Variants in NUMA1 observed in about 807,000 individuals in gnomAD.
NUMA1 encodes nuclear mitotic apparatus protein 1.
Under a neutral mutation model 237.1 loss-of-function variants are expected in NUMA1, and 62 were observed. The ratio of observed to expected loss-of-function variants is 0.26; its 90% CI spans 0.21 to 0.32. The LOEUF is 0.32. NUMA1 is among the 10% of genes least tolerant of loss of function. The probability of loss-of-function intolerance (pLI) is 1.00; values close to 1 mark genes in which losing one functional copy is unlikely to be tolerated. For synonymous variants in NUMA1, 1,028 were observed against 1,066.1 expected, an observed-to-expected ratio of 0.96 and a Z score of 0.70; for missense variants, 2,533 against 2,666.5, an observed-to-expected ratio of 0.95 and a Z score of 1.10.
chr11:72,057,075 CAAA>C (rs35648032), intron 2 of NUMA1, among the ~76,000 whole-genome samples: 3 of 90,520 alleles, frequency 3.3e-5, no homozygotes, highest in Non-Finnish European at 4.8e-5. Context: ...ATTAAAAAAG[CAAA>C]AAAAAAAAAA....
At chr11:72,063,711 G>C (rs944808685) in intron 2 of NUMA1, among the ~76,000 whole-genome samples, 1 of 150,350 alleles carries the variant, frequency 6.7e-6, no homozygotes, top group Non-Finnish European at 1.5e-5. Context: ...GAGCCCAGGA[G>C]TTCAAGACCA....
At chr11:72,016,377 G>C (rs567161861) in intron 14 of NUMA1, 31 bp downstream of exon 14, 1 of 1,610,702 alleles carries the variant, frequency 6.2e-7, no homozygotes, top group African/African-American at 1.3e-5. Flanking sequence ...ACACCAACCA[G>C]CAGCACACAG....
intron 1 of NUMA1, among the ~76,000 whole-genome samples, chr11:72,079,159 T>A (rs1943877056): frequency 6.6e-6 from 1 of 152,176 alleles, no homozygotes; most frequent in Non-Finnish European, 1.5e-5. Context: ...TCCCATTACA[T>A]GTCGCAAATC....
At chr11:72,038,058 G>T (rs1278083777) in intron 2 of NUMA1, among the ~76,000 whole-genome samples, 3 of 152,162 alleles carry the variant, frequency 2.0e-5, no homozygotes, top group Non-Finnish European at 2.9e-5. Flanking sequence ...TAAAAAAAAG[G>T]CCTCTGAGCT....
chr11:72,025,702 C>A (rs1291733048), intron 4 of NUMA1, among the ~76,000 whole-genome samples: 7 of 152,202 alleles, frequency 4.6e-5, no homozygotes, highest in Admixed American at 4.6e-4. Flanking sequence ...AGACATCCTG[C>A]AAGCATAAGC....
At chr11:72,047,927 T>C (rs1366534734) in intron 2 of NUMA1, 3 of 152,186 alleles carry the variant, frequency 2.0e-5, no homozygotes, top group African/African-American at 7.2e-5. Context: ...GGGGCCATGC[T>C]AATCTCTGTA....
In NUMA1 at chr11:72,013,642, G is replaced by A; in HGVS notation, c.3861C>T (p.Ser1287=). The change falls in exon 15 of 27, where the codon AGC becomes AGT. Residue 1287 remains serine, a synonymous_variant. Transcript: ENST00000393695. This position sits in a 1 kb window ranked among gnomAD's most constrained non-coding sequence, Gnocchi z 6.8. ...TCTGCACCTCCTCCCGCAGAGCAGA[G>A]CTGCGTTCTGCAGCTCTGGCACTGT... ...ASNSARAAER[S]SALREEVQSL... The A allele has an allele frequency of 1.2e-6, 2 of 1,609,876 alleles. No individual in the cohort carries two copies. Among genetic ancestry groups the A allele is most frequent in the Non-Finnish European group, 1.7e-6 (2 of 1,179,952 alleles).
rs1053602 is a variant in NUMA1 at position 72,014,134 on chromosome 11, C to T, written c.3369G>A (p.Glu1123=). 1.2e-6 allele frequency: 2 copies of T among 1,612,888 alleles called. No homozygotes were observed. The highest frequency in any genetic ancestry group is 1.7e-6 in the Non-Finnish European group (2 of 1,180,052). The stretch of plus-strand genomic sequence containing the variant: ...GCTTGCTCACCTCTGCCCGCAGTGC[C>T]TCCAGCTTGGGGCCTGTTGGCTCTG... ...GRTEPTGPKL[E]ALRAEVSKLE... The change falls in exon 15 of 27, where the codon GAG becomes GAA. Residue 1123 remains glutamate, a synonymous_variant. Coordinates refer to ENST00000393695, the MANE Select transcript of NUMA1 (RefSeq NM_006185.4). This position sits in a 1 kb window ranked among gnomAD's most constrained non-coding sequence, Gnocchi z 4.6.
intron 2 of NUMA1, chr11:72,067,789 G>A (rs907173713): frequency 1.1e-4 from 16 of 152,212 alleles, no homozygotes; most frequent in African/African-American, 3.9e-4. Flanking sequence ...GAGTAAGAAA[G>A]AGAATTGCAA....
chr11:72,021,038 A>C lies in NUMA1; in HGVS notation c.460+166T>G, dbSNP rs1030278915. Reference sequence around the variant, plus strand: ...AGCTCCATAGGAACTGAGATGATACAACATGGCCCAGAAATCGACCTACTC... The same window carrying C: ...AGCTCCATAGGAACTGAGATGATACCACATGGCCCAGAAATCGACCTACTC... On this transcript the variant is annotated intron_variant, in intron 8 of 26. Transcript: ENST00000393695. 15 of 624,914 alleles carry C rather than the reference A, an allele frequency of 2.4e-5. No individual in the cohort carries two copies. In the African/African-American group the frequency reaches 2.6e-4, roughly 11 times the overall value. 38.7% of individuals were successfully genotyped at this position (624,914 alleles called of 1,614,324 possible). A position where few individuals can be genotyped will look rare whatever the true frequency, so the allele number is the denominator to read the frequency against.
chr11:72,009,346 C>G lies in NUMA1; in HGVS notation c.4761G>C (p.Gln1587His). 1.2e-6 allele frequency: 2 copies of G among 1,612,702 alleles called. No homozygotes were observed. The highest frequency in any genetic ancestry group is 1.7e-6 in the Non-Finnish European group (2 of 1,179,948). Residue 1587 changes from glutamine (Q) to histidine (H), a missense_variant, in exon 18 of 27, where the codon CAG (glutamine) becomes CAC (histidine). Physicochemically the swap from Gln to His is conservative, Grantham distance 24. Around this residue, in one of 3 missense-constraint regions of NUMA1, gnomAD observed 795 missense variants for 750.8 expected, o/e 1.06. Transcript: ENST00000393695. ...GTTCATTCAGCTGGGCCTGGAGGCG[C>G]TGGGCCTCCTGCTGGCTCTCGCCTC... The part of the protein sequence containing the change: ...AQGGESQQEA[Q>H]RLQAQLNELQ...
intron 4 of NUMA1, among the ~76,000 whole-genome samples, chr11:72,026,378 G>A (rs1939586286): frequency 6.6e-6 from 1 of 152,252 alleles, no homozygotes; most frequent in Non-Finnish European, 1.5e-5. Flanking sequence ...TGACAACTGA[G>A]GGATGCTTTT....
intron 1 of NUMA1, among the ~76,000 whole-genome samples, chr11:72,077,810 T>A (rs1591101765): frequency 6.8e-5 from 7 of 102,466 alleles, no homozygotes; most frequent in South Asian, 3.3e-4. Flanking sequence ...TGAGACTCCA[T>A]CTCAAAAAAA....
At chr11:72,078,474 C>T (rs543554995) in intron 1 of NUMA1, among the ~76,000 whole-genome samples, 2 of 152,394 alleles carry the variant, frequency 1.3e-5, no homozygotes, top group Non-Finnish European at 2.9e-5. Flanking sequence ...CTGATCAGCT[C>T]TGTTCAGCCA....
intron 2 of NUMA1, among the ~76,000 whole-genome samples, chr11:72,053,660 T>C (rs1344774402): frequency 6.6e-6 from 1 of 152,208 alleles, no homozygotes; most frequent in African/African-American, 2.4e-5. Context: ...CAAGAAGTAA[T>C]GTATGTCTGA....
At chr11:72,058,108 G>T (rs1344240284) in intron 2 of NUMA1, among the ~76,000 whole-genome samples, 1 of 151,934 alleles carries the variant, frequency 6.6e-6, no homozygotes, top group African/African-American at 2.4e-5. Flanking sequence ...AAGATGAAAC[G>T]ATGTTTAGGA....
Position 72,003,915 on chromosome 11 carries a change from ATGGCGGCAGCAG to A in NUMA1, c.6296_6307del (p.Thr2099_Ala2102del), listed in dbSNP as rs781038332. The A allele has an allele frequency of 8.7e-6, 14 of 1,613,208 alleles. No homozygotes were observed. In the Admixed American group the frequency reaches 1.3e-4, roughly 15 times the overall value. ...GCCCTTGGCTCGAGGGGTGGCACCA[ATGGCGGCAGCAG>A]TGGCGGCGCTGGCTGTGGTGGTGGC... On this transcript the variant is annotated inframe_deletion, in exon 26 of 27. Coordinates refer to ENST00000393695, the MANE Select transcript of NUMA1 (RefSeq NM_006185.4).
At chr11:72,048,496 C>T (rs980366143) in intron 2 of NUMA1, among the ~76,000 whole-genome samples, 1 of 152,118 alleles carries the variant, frequency 6.6e-6, no homozygotes, top group South Asian at 2.1e-4. Context: ...CTCAGCCTCC[C>T]GAGTAGCTGG....
Position 72,006,099 on chromosome 11 carries a change from G to A in NUMA1, c.5628C>T (p.Tyr1876=). The A allele has an allele frequency of 1.2e-6, 2 of 1,614,148 alleles. No homozygotes were observed. Among genetic ancestry groups the A allele is most frequent in the South Asian group, 2.2e-5 (2 of 91,088 alleles). Residue 1876 remains tyrosine (Y), a synonymous_variant, in exon 22 of 27, where the codon TAC becomes TAT. Coordinates refer to ENST00000393695, the MANE Select transcript of NUMA1 (RefSeq NM_006185.4). ...GAGCAGAACTGCGAGTGGTGGGGCG[G>A]TAGCCAGGCAAGCTGAGCAGGGCTG... is the stretch of plus-strand genomic sequence containing the variant. ...GNSALLSLPG[Y]RPTTRSSARR...
Sources: gnomAD v4.1 joint callset for allele counts (sites outside exome capture counted in the v4.1 genomes callset) on GRCh38, gnomAD v4.1.1 for gene constraint, gnomAD v4.1.1 regional missense constraint, Gnocchi (gnomAD v3.1) non-coding constraint, MANE v1.5 for transcripts, NCBI Gene and HGNC (gene_info 2026-07-23, HGNC 2026-07-21) for gene names.